The following PHKA1 variants were observed in gnomAD, a reference collection of about 807,000 sequenced individuals.
PHKA1 encodes phosphorylase b kinase regulatory subunit alpha, skeletal muscle isoform.
PHKA1 carries 60 observed loss-of-function variants against 110.2 expected under a neutral mutation model. That is an observed-to-expected ratio of 0.54 (90% confidence interval 0.44 to 0.68). PHKA1 has a LOEUF of 0.68. PHKA1 is among the 30% of genes least tolerant of loss of function. PHKA1 has a pLI of 0.00. For missense variants in PHKA1, 801 were observed against 942.5 expected (o/e 0.85, Z 1.97); for synonymous variants, 316 against 333.6 (o/e 0.95, Z 0.58).
intron 8 of PHKA1, among the ~76,000 whole-genome samples, chrX:72,662,681 C>T (rs1282912110): frequency 2.7e-5 from 3 of 111,801 alleles, no homozygotes; most frequent in African/African-American, 9.8e-5. Flanking sequence ...CATGTCTACA[C>T]CCCAGGCCCG....
In PHKA1 at chrX:72,656,715, G is replaced by C. The variant is rs2053501122; in HGVS notation, c.919-473C>G. The stretch of plus-strand genomic sequence containing the variant: ...GTGGGGCAAGGGAATAACAGAAAGA[G>C]AAGAATCAGGATAATCTAGTGGGAA... On this transcript the variant is annotated intron_variant, in intron 9 of 31. Transcript: ENST00000373542. Among the ~76,000 whole-genome samples, 3 of 111,807 alleles carry C rather than the reference G, an allele frequency of 2.7e-5. No individual in the cohort carries two copies. In the Admixed American group the frequency reaches 2.8e-4, roughly 11 times the overall value.
intron 16 of PHKA1, among the ~76,000 whole-genome samples, chrX:72,629,417 T>TA (rs1180329838): frequency 8.9e-6 from 1 of 111,960 alleles, no homozygotes. Flanking sequence ...TTACAGTGTT[T>TA]AAAGTCTCCT....
At chrX:72,672,318 G>T (rs1313407161) in intron 6 of PHKA1, among the ~76,000 whole-genome samples, 1 of 111,879 alleles carries the variant, frequency 8.9e-6, no homozygotes, top group African/African-American at 3.2e-5. Context: ...TCTCTGAAAT[G>T]CCTTGGGGTC....
intron 17 of PHKA1, among the ~76,000 whole-genome samples, chrX:72,625,512 T>C (rs781823143): frequency 1.8e-5 from 2 of 111,923 alleles, no homozygotes; most frequent in East Asian, 5.6e-4. Flanking sequence ...AAGTCCACCA[T>C]AGGTGGGCAT....
At chrX:72,676,270 T>C in intron 5 of PHKA1, 120 bp from the exon 6 acceptor site, 1 of 467,291 alleles carries the variant, frequency 2.1e-6, no homozygotes, top group East Asian at 3.7e-5. Context: ...CATATATATA[T>C]ATATATACCC....
intron 8 of PHKA1, among the ~76,000 whole-genome samples, chrX:72,660,973 A>C (rs1275597201): frequency 8.9e-6 from 1 of 112,438 alleles, no homozygotes; most frequent in Non-Finnish European, 1.9e-5. Context: ...ACCACTAAGA[A>C]AAAAATGCAG....
At chrX:72,655,915 C>T (rs573210800) in intron 10 of PHKA1, among the ~76,000 whole-genome samples, 39 of 112,348 alleles carry the variant, frequency 3.5e-4, no homozygotes, top group African/African-American at 6.5e-4. Flanking sequence ...CCACCACACG[C>T]GGCCGAAACC....
intron 28 of PHKA1, chrX:72,599,850 G>A (rs1556239947): frequency 1.8e-6 from 1 of 548,558 alleles, no homozygotes; most frequent in East Asian, 3.3e-5. Flanking sequence ...TATACCCAGG[G>A]GATGACCACC....
intron 2 of PHKA1, among the ~76,000 whole-genome samples, chrX:72,709,845 A>C (rs2054340640): frequency 9.1e-6 from 1 of 109,436 alleles, no homozygotes; most frequent in African/African-American, 3.3e-5. Context: ...GTTCCAGACC[A>C]ACCTGGTCAA....
intron 16 of PHKA1, among the ~76,000 whole-genome samples, chrX:72,633,796 T>C (rs1467434858): frequency 8.9e-6 from 1 of 111,984 alleles, no homozygotes; most frequent in East Asian, 2.8e-4. Context: ...GAGAAAAATC[T>C]ATATTAAATA....
At chrX:72,677,106 C>G (rs1167099744) in intron 5 of PHKA1, among the ~76,000 whole-genome samples, 1 of 112,246 alleles carries the variant, frequency 8.9e-6, no homozygotes, top group Non-Finnish European at 1.9e-5. Context: ...GTGACCTTGA[C>G]ACTCTTTGAA....
chrX:72,588,781 CAG>C (rs1391589102), intron 29 of PHKA1, among the ~76,000 whole-genome samples: 2 of 111,800 alleles, frequency 1.8e-5, no homozygotes, highest in African/African-American at 6.5e-5. Flanking sequence ...AAAATACCAT[CAG>C]AGAATACTAT....
chrX:72,587,224 G>T (rs1603250240), intron 29 of PHKA1, among the ~76,000 whole-genome samples: 1 of 111,746 alleles, frequency 8.9e-6, no homozygotes, highest in African/African-American at 3.3e-5. Context: ...ATCAAACTAA[G>T]AGCTGATCTC....
intron 29 of PHKA1, among the ~76,000 whole-genome samples, chrX:72,588,058 A>C (rs1316998776): frequency 8.9e-6 from 1 of 111,796 alleles, no homozygotes; most frequent in Non-Finnish European, 1.9e-5. Flanking sequence ...CCAGGACTTG[A>C]ACTCAGCTCT....
At chrX:72,683,526 G>A (rs1556317799) in intron 5 of PHKA1, among the ~76,000 whole-genome samples, 1 of 111,990 alleles carries the variant, frequency 8.9e-6, no homozygotes, top group Non-Finnish European at 1.9e-5. Context: ...CATATTTAAA[G>A]TGTACAACTT....
At position 72,689,810 on chromosome X, in the gene PHKA1, C is replaced by T. The variant is rs145099609; in HGVS notation, c.455-5230G>A. Among the ~76,000 whole-genome samples, 351 of 111,499 alleles carry T rather than the reference C, an allele frequency of 3.1e-3. 1 individual carries two copies. The highest frequency in any genetic ancestry group is 0.011 in the African/African-American group (340 of 30,703). On this transcript the variant is annotated intron_variant, in intron 4 of 31. Coordinates refer to ENST00000373542, the MANE Select transcript of PHKA1 (RefSeq NM_002637.4). ...CTACCAGACTCTTTTCCAAGGCAGC[C>T]GCACCATTTTACATTTCCACCAGCA...
intron 17 of PHKA1, among the ~76,000 whole-genome samples, chrX:72,624,092 G>A (rs782297752): frequency 8.9e-6 from 1 of 111,770 alleles, no homozygotes; most frequent in Non-Finnish European, 1.9e-5. Flanking sequence ...GAAAGGATAT[G>A]CAGAAACCTG....
At chrX:72,594,663 T>A (rs1194062316) in intron 28 of PHKA1, among the ~76,000 whole-genome samples, 1 of 112,545 alleles carries the variant, frequency 8.9e-6, no homozygotes, top group East Asian at 2.8e-4. Context: ...GGTTCTTGGC[T>A]CGTGGTGCAT....
chrX:72,696,064 G>GT (rs782322564), intron 3 of PHKA1, among the ~76,000 whole-genome samples, 188 bp from the exon 4 acceptor site: 7 of 111,701 alleles, frequency 6.3e-5, no homozygotes, highest in Non-Finnish European at 9.4e-5. Flanking sequence ...TGTTATTGTT[G>GT]TTTTTCAATT....
Sources: allele counts gnomAD v4.1 joint callset (sites outside exome capture counted in the v4.1 genomes callset), GRCh38; gene constraint gnomAD v4.1.1; transcripts MANE v1.5; gene names NCBI Gene and HGNC (gene_info 2026-07-23, HGNC 2026-07-21).